GOLGA5: variants seen among roughly 807,000 people sequenced by gnomAD.
GOLGA5 encodes golgin subfamily A member 5.
In GOLGA5, 50 loss-of-function variants were observed where a neutral mutation model predicts 93.5. The observed-to-expected ratio is 0.53, with a 90% CI of 0.43 to 0.68. The LOEUF (loss-of-function observed/expected upper bound fraction) is 0.68, where lower values mean the gene tolerates loss of function less well. Among genes scored for constraint, GOLGA5 ranks in the 30% least tolerant of loss-of-function variants. The pLI, the probability that GOLGA5 is intolerant of heterozygous loss-of-function variation, is 0.00. For missense variants in GOLGA5, 760 were observed against 856.4 expected, an observed-to-expected ratio of 0.89 and a Z score of 1.40; for synonymous variants, 312 against 304.5, an observed-to-expected ratio of 1.02 and a Z score of -0.26.
chr14:92,798,028 T>C, intron 2 of GOLGA5, 47 bp downstream of exon 2: 1 of 1,190,130 alleles, frequency 8.4e-7, no homozygotes, highest in South Asian at 1.5e-5. Context: ...GCAAATTGAA[T>C]GTGTCATCAT....
At chr14:92,813,761 T>C (rs971754434) in intron 6 of GOLGA5, among the ~76,000 whole-genome samples, 1 of 152,114 alleles carries the variant, frequency 6.6e-6, no homozygotes, top group Non-Finnish European at 1.5e-5. Flanking sequence ...CGGTACATTG[T>C]TGAAAACATG....
intron 1 of GOLGA5, among the ~76,000 whole-genome samples, chr14:92,794,715 TG>T (rs1884681696): frequency 6.6e-6 from 1 of 152,014 alleles, no homozygotes; most frequent in Non-Finnish European, 1.5e-5. Flanking sequence ...ACGAGATGGG[TG>T]GGGAGCAGAG....
chr14:92,839,509 C>A lies in GOLGA5; in HGVS notation c.*63C>A. 1 of 1,040,586 alleles carries A rather than the reference C, an allele frequency of 9.6e-7. No individual in the cohort carries two copies. The highest frequency in any genetic ancestry group is 1.5e-6 in the Non-Finnish European group (1 of 669,816). 64.5% of individuals were successfully genotyped at this position (1,040,586 alleles called of 1,614,324 possible). On this transcript the variant is annotated 3_prime_UTR_variant, in exon 13 of 13. Coordinates refer to ENST00000163416, the MANE Select transcript of GOLGA5 (RefSeq NM_005113.4). ...CTAGACTTGGGATCTGCAAGAAGGCCAATTGCCTAAAATTTCTGAGAACAG... is the reference window on the plus strand; with the variant it reads ...CTAGACTTGGGATCTGCAAGAAGGCAAATTGCCTAAAATTTCTGAGAACAG...
intron 3 of GOLGA5, 41 bp downstream of exon 3, chr14:92,807,004 A>G (rs1885001562): frequency 7.3e-7 from 1 of 1,361,424 alleles, no homozygotes; most frequent in Non-Finnish European, 1.1e-6. Context: ...TTTAACTTTT[A>G]AAAATAAACT....
At chr14:92,807,114 A>C (rs979493899) in intron 3 of GOLGA5, 151 bp downstream of exon 3, 2 of 579,986 alleles carry the variant, frequency 3.4e-6, no homozygotes, top group African/African-American at 3.8e-5. Context: ...AGTCTGGCCA[A>C]CATGGTGAAA....
chr14:92,798,272 T>C (rs1470541729), intron 2 of GOLGA5, among the ~76,000 whole-genome samples: 1 of 152,176 alleles, frequency 6.6e-6, no homozygotes, highest in Non-Finnish European at 1.5e-5. Context: ...AAAAAGAAAA[T>C]TTTGAAATCT....
At chr14:92,810,154 TTTTTTGTGCTTGACTAAAGC>T (rs1885073970) in intron 4 of GOLGA5, 80 bp from the exon 5 acceptor site, 1 of 767,318 alleles carries the variant, frequency 1.3e-6, no homozygotes, top group Non-Finnish European at 2.1e-6. Flanking sequence ...TCAAATTATC[TTTTTTGTGCTTGACTAAAGC>T]TGACGCTCTA....
intron 2 of GOLGA5, among the ~76,000 whole-genome samples, chr14:92,802,779 G>C (rs1343169393): frequency 2.0e-5 from 3 of 149,886 alleles, no homozygotes; most frequent in Non-Finnish European, 4.4e-5. Context: ...AATAGAGATG[G>C]GATCTTGCTG....
chr14:92,829,802 C>G (rs751541185), intron 9 of GOLGA5, among the ~76,000 whole-genome samples: 1 of 152,186 alleles, frequency 6.6e-6, no homozygotes, highest in Admixed American at 6.5e-5. Context: ...AAAATGCTAT[C>G]AAACATCATT....
Position 92,839,815 on chromosome 14 carries a change from G to GT in GOLGA5, c.*378dup, listed in dbSNP as rs35119877. 157,101 of 206,656 alleles carry GT rather than the reference G, an allele frequency of 0.76. 59,960 individuals carry two copies. The highest frequency in any genetic ancestry group is 0.9 in the African/African-American group (39,065 of 43,326). The allele number at this position is 206,656 out of a possible 1,614,324, so 12.8% of individuals were successfully genotyped here. The stretch of plus-strand genomic sequence containing the variant: ...TTGTATTTAGTGACAAAAATAAAAA[G>GT]TTTTTTTTTATAATTCAGTCTGCTT... On this transcript the variant is annotated 3_prime_UTR_variant, in exon 13 of 13. Transcript: ENST00000163416.
intron 8 of GOLGA5, among the ~76,000 whole-genome samples, chr14:92,822,164 A>G (rs1885329445): frequency 6.6e-6 from 1 of 152,238 alleles, no homozygotes; most frequent in Non-Finnish European, 1.5e-5. Flanking sequence ...CAAACCTTGT[A>G]AAGTGTGATT....
intron 8 of GOLGA5, among the ~76,000 whole-genome samples, chr14:92,821,198 G>C (rs1885310469): frequency 6.6e-6 from 1 of 152,096 alleles, no homozygotes; most frequent in African/African-American, 2.4e-5. Context: ...ATAGTTTATT[G>C]CATTTGTGCT....
intron 5 of GOLGA5, 54 bp downstream of exon 5, chr14:92,810,431 C>T: frequency 7.2e-7 from 1 of 1,390,298 alleles, no homozygotes; most frequent in South Asian, 1.4e-5. Flanking sequence ...GAAAAAATGA[C>T]TTTATGCTGT....
chr14:92,801,833 A>G (rs1884879905), intron 2 of GOLGA5, among the ~76,000 whole-genome samples: 1 of 151,266 alleles, frequency 6.6e-6, no homozygotes, highest in South Asian at 2.1e-4. Flanking sequence ...CCTGTCTTAT[A>G]TATCAAGTAT....
chr14:92,809,587 T>C (rs777409434), intron 4 of GOLGA5, 68 bp downstream of exon 4: 22 of 929,168 alleles, frequency 2.4e-5, no homozygotes, highest in South Asian at 1.6e-4. Flanking sequence ...TATCCACTTA[T>C]GAAACTTAGC....
intron 2 of GOLGA5, among the ~76,000 whole-genome samples, chr14:92,799,212 A>T (rs1344867589): frequency 6.7e-6 from 1 of 150,276 alleles, no homozygotes. Context: ...TGATCCTCCT[A>T]CTTTGACCTC....
chr14:92,809,281 A>C lies in GOLGA5; in HGVS notation c.773-19A>C, dbSNP rs748602513. On this transcript the variant is annotated intron_variant, in intron 3 of 12. Coordinates refer to ENST00000163416, the MANE Select transcript of GOLGA5 (RefSeq NM_005113.4). Reference sequence around the variant, plus strand: ...GTGTTTGGTTTTGCTTGTATAGAGAAATTTAAATTTTTTAATAGAATTAAA... The same window carrying C: ...GTGTTTGGTTTTGCTTGTATAGAGACATTTAAATTTTTTAATAGAATTAAA... 9 of 1,545,026 alleles carry C rather than the reference A, an allele frequency of 5.8e-6. No homozygotes were observed. Among genetic ancestry groups the C allele is most frequent in the Non-Finnish European group, 8.0e-6 (9 of 1,119,890 alleles).
At chr14:92,825,196 A>G (rs1885391924) in intron 9 of GOLGA5, among the ~76,000 whole-genome samples, 2 of 152,192 alleles carry the variant, frequency 1.3e-5, no homozygotes, top group African/African-American at 4.8e-5. Flanking sequence ...AATTGATTTA[A>G]TGGACTTAAT....
chr14:92,810,386 G>A lies in GOLGA5; in HGVS notation c.1116+9G>A, dbSNP rs1241352651. ...GCTATAAACAGATGCAGGTTAGAAT[G>A]AGAGACAGCAGATTCCTATTGTTAC... On this transcript the variant is annotated intron_variant, in intron 5 of 12. Transcript: ENST00000163416. 1.3e-6 allele frequency: 2 copies of A among 1,549,176 alleles called. No individual in the cohort carries two copies. Among genetic ancestry groups the A allele is most frequent in the Middle Eastern group, 1.7e-4 (1 of 5,912 alleles).
Sources: allele counts gnomAD v4.1 joint callset (sites outside exome capture counted in the v4.1 genomes callset), GRCh38; gene constraint gnomAD v4.1.1; transcripts MANE v1.5; gene names NCBI Gene and HGNC (gene_info 2026-07-23, HGNC 2026-07-21).